UNC5D: variants seen among roughly 807,000 people sequenced by gnomAD.
UNC5D encodes the protein netrin receptor UNC5D.
In UNC5D, 39 loss-of-function variants were observed where a neutral mutation model predicts 105.4. The observed-to-expected ratio is 0.37, with a 90% CI of 0.29 to 0.48. The LOEUF (loss-of-function observed/expected upper bound fraction) is 0.48. Among genes scored for constraint, UNC5D ranks in the 20% least tolerant of loss-of-function variants. The pLI, the probability that UNC5D is intolerant of heterozygous loss-of-function variation, is 0.98. For synonymous variants in UNC5D, 452 were observed against 450.4 expected, an observed-to-expected ratio of 1.00 and a Z score of -0.04; for missense variants, 991 against 1,202.4, an observed-to-expected ratio of 0.82 and a Z score of 2.60.
At chr8:35,248,949 A>G (rs1374523520) in intron 1 of UNC5D, among the ~76,000 whole-genome samples, 1 of 95,532 alleles carries the variant, frequency 1.0e-5, no homozygotes, top group Non-Finnish European at 1.8e-5. Flanking sequence ...TATATTATAT[A>G]TAAACATATA....
intron 11 of UNC5D, among the ~76,000 whole-genome samples, chr8:35,731,399 C>CAAAAAA (rs57529561): frequency 1.0e-3 from 31 of 30,652 alleles, no homozygotes; most frequent in African/African-American, 1.9e-3. Context: ...ACTCTGTCTC[C>CAAAAAA]AAAAAAAAAA....
intron 1 of UNC5D, among the ~76,000 whole-genome samples, chr8:35,259,557 A>G (rs1453592651): frequency 6.6e-6 from 1 of 152,110 alleles, no homozygotes; most frequent in Non-Finnish European, 1.5e-5. Context: ...TCACGTTGGT[A>G]GTTCATTTTT....
chr8:35,607,064 T>C (rs886133416), intron 4 of UNC5D, among the ~76,000 whole-genome samples: 2 of 152,216 alleles, frequency 1.3e-5, no homozygotes, highest in African/African-American at 4.8e-5. Context: ...GTAGACTGGC[T>C]CAGCCCCTTT....
intron 1 of UNC5D, among the ~76,000 whole-genome samples, chr8:35,313,714 T>C (rs750131154): frequency 1.3e-4 from 20 of 152,160 alleles, no homozygotes; most frequent in Non-Finnish European, 2.6e-4. Flanking sequence ...ACATGGGAGC[T>C]ATGTGGTGTT....
chr8:35,656,956 G>A (rs934314904), intron 4 of UNC5D, among the ~76,000 whole-genome samples: 6 of 150,888 alleles, frequency 4.0e-5, no homozygotes. Context: ...AAGAAGTCTG[G>A]AACAATATTT....
At chr8:35,328,351 C>T (rs1810335273) in intron 1 of UNC5D, among the ~76,000 whole-genome samples, 1 of 152,070 alleles carries the variant, frequency 6.6e-6, no homozygotes, top group African/African-American at 2.4e-5. Context: ...CAGTTTCTTT[C>T]CTCCATGGGA....
intron 1 of UNC5D, among the ~76,000 whole-genome samples, chr8:35,326,981 G>A (rs144414299): frequency 6.6e-5 from 10 of 152,280 alleles, no homozygotes; most frequent in African/African-American, 2.4e-4. Flanking sequence ...AGGTTTAGCG[G>A]TGGGGAGTTG....
chr8:35,738,554 CAT>C (rs1829592070), intron 11 of UNC5D, among the ~76,000 whole-genome samples: 1 of 152,186 alleles, frequency 6.6e-6, no homozygotes. Context: ...TTATAGCAAA[CAT>C]ATTAATAGTT....
intron 1 of UNC5D, among the ~76,000 whole-genome samples, chr8:35,386,336 T>A (rs568545663): frequency 6.6e-6 from 1 of 152,302 alleles, no homozygotes; most frequent in African/African-American, 2.4e-5. Context: ...TCTATAGACA[T>A]GTACACACCC....
chr8:35,507,049 CTT>C (rs71215631), intron 1 of UNC5D, among the ~76,000 whole-genome samples: 8,030 of 75,038 alleles, frequency 0.11, 85 homozygotes, highest in Admixed American at 0.2. Flanking sequence ...CAGGGCTTTT[CTT>C]TTTTTTTTTT....
At chr8:35,697,120 C>A (rs992846184) in intron 7 of UNC5D, among the ~76,000 whole-genome samples, 1 of 148,804 alleles carries the variant, frequency 6.7e-6, no homozygotes, top group African/African-American at 2.6e-5. Context: ...TAGATAGATA[C>A]ACATACTTAT....
rs557180838 is a variant in UNC5D, at chr8:35,264,108, A to T, written c.103+28221A>T. Among the ~76,000 whole-genome samples the T allele has an allele frequency of 6.6e-5, 10 of 152,348 alleles. No homozygotes were observed. In the East Asian group the frequency reaches 1.4e-3, roughly 21 times the overall value. The stretch of plus-strand genomic sequence containing the variant: ...ATCAAATAAGGTTTTGTGATTTGTA[A>T]GATAAAGTAGCATTTTGGAGAGTGA... On this transcript the variant is annotated intron_variant, in intron 1 of 16. Transcript: ENST00000404895.
At chr8:35,336,404 G>A (rs1037027591) in intron 1 of UNC5D, among the ~76,000 whole-genome samples, 4 of 152,130 alleles carry the variant, frequency 2.6e-5, no homozygotes, top group African/African-American at 7.2e-5. Flanking sequence ...CCCTACAACC[G>A]AAACATTGGG....
intron 1 of UNC5D, among the ~76,000 whole-genome samples, chr8:35,414,380 C>T (rs897226404): frequency 6.6e-6 from 1 of 152,022 alleles, no homozygotes; most frequent in Non-Finnish European, 1.5e-5. Flanking sequence ...TACCTCCATC[C>T]ATCCTCAGAC....
chr8:35,417,997 G>A (rs1449984970), intron 1 of UNC5D, among the ~76,000 whole-genome samples: 1 of 152,104 alleles, frequency 6.6e-6, no homozygotes, highest in African/African-American at 2.4e-5. Flanking sequence ...CAGTGCTTAG[G>A]TGAGCTAGTT....
chr8:35,388,094 TG>T (rs1299771378), intron 1 of UNC5D, among the ~76,000 whole-genome samples: 3 of 151,850 alleles, frequency 2.0e-5, no homozygotes, highest in African/African-American at 7.3e-5. Flanking sequence ...GAAGTCTTGG[TG>T]GGGTGCGGTG....
At chr8:35,446,896 T>A (rs1807834423) in intron 1 of UNC5D, among the ~76,000 whole-genome samples, 1 of 152,090 alleles carries the variant, frequency 6.6e-6, no homozygotes, top group Non-Finnish European at 1.5e-5. Context: ...TAATATCCAT[T>A]TGGTGTTCTA....
intron 1 of UNC5D, among the ~76,000 whole-genome samples, chr8:35,408,029 A>G (rs534441605): frequency 6.6e-6 from 1 of 152,252 alleles, no homozygotes; most frequent in East Asian, 1.9e-4. Context: ...ATGTTTTAAA[A>G]TGAAAGACTA....
At chr8:35,536,870 C>T (rs1586077780) in intron 1 of UNC5D, among the ~76,000 whole-genome samples, 1 of 152,062 alleles carries the variant, frequency 6.6e-6, no homozygotes, top group African/African-American at 2.4e-5. Flanking sequence ...GTGGCACGCA[C>T]CTGTAGTCCC....
Sources: allele counts gnomAD v4.1 joint callset (sites outside exome capture counted in the v4.1 genomes callset), GRCh38; gene constraint gnomAD v4.1.1; transcripts MANE v1.5; gene names NCBI Gene and HGNC (gene_info 2026-07-23, HGNC 2026-07-21).